TBX19: variants seen among roughly 807,000 people sequenced by gnomAD.
The protein encoded by TBX19 is T-box transcription factor TBX19.
TBX19 carries 33 observed loss-of-function variants against 40.9 expected under a neutral mutation model. That is an observed-to-expected ratio of 0.81 (90% CI 0.61 to 1.08). The LOEUF (loss-of-function observed/expected upper bound fraction) is 1.08. Among genes scored for constraint, TBX19 ranks in the 50% least tolerant of loss-of-function variants. The probability of loss-of-function intolerance (pLI) is 0.00; values close to 1 mark genes in which losing one functional copy is unlikely to be tolerated. For synonymous variants in TBX19, 220 were observed against 225.0 expected (o/e 0.98, Z 0.20); for missense variants, 494 against 574.0 (o/e 0.86, Z 1.42).
chr1:168,293,404 A>C, intron 3 of TBX19, 126 bp downstream of exon 3: 3 of 1,253,026 alleles, frequency 2.4e-6, no homozygotes, highest in Non-Finnish European at 3.3e-6. Flanking sequence ...CAGGATTTGG[A>C]TACACTCAGC....
intron 2 of TBX19, 43 bp from the exon 3 acceptor site, chr1:168,293,101 G>A (rs370440834): frequency 3.1e-6 from 5 of 1,609,824 alleles, no homozygotes; most frequent in East Asian, 4.5e-5. Context: ...TGCGATACAC[G>A]GGGCTTTGCT....
Position 168,292,821 on chromosome 1 carries a change from G to A in TBX19, c.469-323G>A, listed in dbSNP as rs571017179. 4.7e-3 allele frequency among the ~76,000 whole-genome samples: 633 copies of A among 135,290 alleles called. 17 individuals are homozygous for A. Among genetic ancestry groups the A allele is most frequent in the East Asian group, 3.1e-3 (14 of 4,516 alleles). 88.8% of individuals were successfully genotyped at this position (135,290 alleles called of 152,430 possible). On this transcript the variant is annotated intron_variant, in intron 2 of 7. Transcript: ENST00000367821. ...GGAGCTTGCAGTGAGCTGAGATAGC[G>A]CCACTGCACTCCAGCCTGGGTGACA...
intron 1 of TBX19, among the ~76,000 whole-genome samples, chr1:168,282,681 T>A (rs2102349450): frequency 6.6e-6 from 1 of 152,290 alleles, no homozygotes; most frequent in Non-Finnish European, 1.5e-5. Context: ...AATTCTTAAT[T>A]GGATTTAGTC....
At chr1:168,293,353 G>T in intron 3 of TBX19, 75 bp downstream of exon 3, 2 of 1,496,128 alleles carry the variant, frequency 1.3e-6, no homozygotes, top group South Asian at 1.2e-5. Context: ...ATCATGGCAG[G>T]ATGGGCGGGG....
At position 168,283,301 on chromosome 1, in the gene TBX19, G is replaced by A. The variant is rs147618843; in HGVS notation, c.203+2008G>A. ...CTATGGATGTCCTGCTGTGTTTGCC[G>A]TCTTCCTATAGATGAAATCTTTTTC... On this transcript the variant is annotated intron_variant, in intron 1 of 7. Coordinates refer to ENST00000367821, the MANE Select transcript of TBX19 (RefSeq NM_005149.3). Among the ~76,000 whole-genome samples, 60 of 152,230 alleles carry A rather than the reference G, an allele frequency of 3.9e-4. 1 individual carries two copies. In the East Asian group the frequency reaches 0.01, roughly 25 times the overall value.
intron 1 of TBX19, among the ~76,000 whole-genome samples, chr1:168,281,505 C>T (rs1648648966): frequency 6.6e-6 from 1 of 152,200 alleles, no homozygotes; most frequent in South Asian, 2.1e-4. Flanking sequence ...GTCTTATGTG[C>T]ATTTTAAATG....
chr1:168,283,636 A>G (rs1349509857), intron 1 of TBX19, among the ~76,000 whole-genome samples: 1 of 152,046 alleles, frequency 6.6e-6, no homozygotes, highest in Non-Finnish European at 1.5e-5. Context: ...TCCTATGTCT[A>G]TAGACTCTTT....
In TBX19 at chr1:168,312,776, A is replaced by C; in HGVS notation, c.1121A>C (p.His374Pro). 1 of 1,614,186 alleles carries C rather than the reference A, an allele frequency of 6.2e-7. No individual in the cohort carries two copies. The highest frequency in any genetic ancestry group is 1.1e-5 in the South Asian group (1 of 91,086). Residue 374 changes from histidine (H) to proline (P), a missense_variant, in exon 8 of 8, where the codon CAC becomes CCC. Physicochemically the swap from His to Pro is moderately conservative, Grantham distance 77 (BLOSUM62 -2). Transcript: ENST00000367821. ...CCCAGTGGGCCAGGCCCGGAGGTGC[A>C]CGCCAGCACCCCAGGAGCATTTCTC... ...GGPSGPGPEV[H>P]ASTPGAFLLG... is the part of the protein sequence containing the mutation.
chr1:168,306,058 A>G (rs1321224413), intron 6 of TBX19, among the ~76,000 whole-genome samples: 2 of 152,210 alleles, frequency 1.3e-5, no homozygotes, highest in African/African-American at 4.8e-5. Flanking sequence ...TTTGGATTCC[A>G]GCCTCCTTCC....
intron 7 of TBX19, among the ~76,000 whole-genome samples, chr1:168,309,487 G>A (rs1252799055): frequency 1.3e-5 from 2 of 152,202 alleles, no homozygotes; most frequent in African/African-American, 4.8e-5. Context: ...GATACTGACT[G>A]TAGAGGAATT....
At chr1:168,284,303 C>A (rs946240011) in intron 1 of TBX19, among the ~76,000 whole-genome samples, 6 of 152,158 alleles carry the variant, frequency 3.9e-5, no homozygotes, top group Non-Finnish European at 7.3e-5. Context: ...CCAGTATTCC[C>A]TTTCATGTCC....
At chr1:168,302,056 C>T (rs909035799) in intron 5 of TBX19, among the ~76,000 whole-genome samples, 6 of 152,094 alleles carry the variant, frequency 3.9e-5, no homozygotes, top group Non-Finnish European at 5.9e-5. Context: ...ATAAAAACCT[C>T]GTTTTCTAGG....
chr1:168,302,357 A>G (rs1223864086), intron 5 of TBX19, among the ~76,000 whole-genome samples: 1 of 152,214 alleles, frequency 6.6e-6, no homozygotes, highest in African/African-American at 2.4e-5. Context: ...GTATTAAGCG[A>G]AGGCGGTGGG....
chr1:168,309,016 TG>T (rs1649467596), intron 7 of TBX19, 139 bp downstream of exon 7: 1 of 1,236,952 alleles, frequency 8.1e-7, no homozygotes, highest in Non-Finnish European at 1.2e-6. Flanking sequence ...GAAGTCAAGG[TG>T]GCAACAGGGT....
intron 1 of TBX19, 99 bp downstream of exon 1, chr1:168,281,392 G>C: frequency 8.7e-7 from 1 of 1,149,166 alleles, no homozygotes; most frequent in Non-Finnish European, 1.3e-6. Context: ...CTCAGAGGCG[G>C]CGGGATCTGA....
intron 5 of TBX19, among the ~76,000 whole-genome samples, chr1:168,302,864 C>T (rs1649312026): frequency 6.6e-6 from 1 of 152,030 alleles, no homozygotes; most frequent in Admixed American, 6.6e-5. Flanking sequence ...GAGGCTTTCA[C>T]TCTTCCTGCG....
At chr1:168,283,901 G>A (rs1434985230) in intron 1 of TBX19, among the ~76,000 whole-genome samples, 1 of 152,144 alleles carries the variant, frequency 6.6e-6, no homozygotes, top group Non-Finnish European at 1.5e-5. Flanking sequence ...TTGAAATAGC[G>A]TAAGATGGGC....
intron 4 of TBX19, among the ~76,000 whole-genome samples, chr1:168,299,736 G>A (rs1649229322): frequency 6.6e-6 from 1 of 152,124 alleles, no homozygotes; most frequent in African/African-American, 2.4e-5. Flanking sequence ...CGCCTCCTTA[G>A]TTGCTGAGAT....
intron 3 of TBX19, among the ~76,000 whole-genome samples, chr1:168,294,500 A>AT (rs1389486898): frequency 5.5e-5 from 8 of 145,014 alleles, no homozygotes; most frequent in South Asian, 2.2e-4. Flanking sequence ...CGCCTGGCTA[A>AT]TTTTTTTTTG....
Sources: gnomAD v4.1 joint callset for allele counts (sites outside exome capture counted in the v4.1 genomes callset) on GRCh38, gnomAD v4.1.1 for gene constraint, MANE v1.5 for transcripts, NCBI Gene and HGNC (gene_info 2026-07-23, HGNC 2026-07-21) for gene names.